Variants in CNTN3 observed in about 807,000 individuals in gnomAD.
The protein encoded by CNTN3 is contactin-3.
CNTN3 carries 60 observed loss-of-function variants against 119.1 expected under a neutral mutation model. The ratio of observed to expected loss-of-function variants is 0.50; its 90% CI spans 0.41 to 0.62. The LOEUF (loss-of-function observed/expected upper bound fraction) is 0.62, where lower values mean the gene tolerates loss of function less well. CNTN3 is among the 20% of genes least tolerant of loss of function. CNTN3 has a pLI of 0.00. For synonymous variants in CNTN3, 450 were observed against 438.7 expected, an observed-to-expected ratio of 1.03 and a Z score of -0.32; for missense variants, 1,101 against 1,242.4, an observed-to-expected ratio of 0.89 and a Z score of 1.71.
chr3:74,540,764 C>T (rs1353070485), intron 1 of CNTN3, among the ~76,000 whole-genome samples: 2 of 151,992 alleles, frequency 1.3e-5, no homozygotes, highest in Admixed American at 1.3e-4. Flanking sequence ...ATACCTCATC[C>T]CTAATTCAAC....
intron 4 of CNTN3, among the ~76,000 whole-genome samples, chr3:74,448,028 C>T (rs1702080557): frequency 6.6e-6 from 1 of 152,108 alleles, no homozygotes. Context: ...GCTGCGAACA[C>T]CTGCTTTAAG....
chr3:74,472,587 G>T (rs1338184911), intron 4 of CNTN3, among the ~76,000 whole-genome samples: 1 of 152,164 alleles, frequency 6.6e-6, no homozygotes, highest in Non-Finnish European at 1.5e-5. Context: ...CACAGGCTGA[G>T]AAGTTAGTGA....
At chr3:74,489,386 G>A (rs959621718) in intron 3 of CNTN3, among the ~76,000 whole-genome samples, 5 of 151,676 alleles carry the variant, frequency 3.3e-5, no homozygotes, top group Admixed American at 3.3e-4. Context: ...CGATTAGAAA[G>A]CCCTTCCCTC....
At chr3:74,464,366 C>T (rs1019256234) in intron 4 of CNTN3, among the ~76,000 whole-genome samples, 1 of 152,080 alleles carries the variant, frequency 6.6e-6, no homozygotes, top group Non-Finnish European at 1.5e-5. Flanking sequence ...GGTTATAGAA[C>T]CCAAGCTAAT....
chr3:74,569,764 G>A (rs1039740952), intron 1 of CNTN3, among the ~76,000 whole-genome samples: 3 of 152,072 alleles, frequency 2.0e-5, no homozygotes, highest in Non-Finnish European at 4.4e-5. Flanking sequence ...TCCTCTGCTC[G>A]GGCTCTCAGG....
intron 4 of CNTN3, among the ~76,000 whole-genome samples, chr3:74,451,254 C>G (rs1321004394): frequency 6.6e-6 from 1 of 152,194 alleles, no homozygotes; most frequent in African/African-American, 2.4e-5. Flanking sequence ...TTGCATTTCT[C>G]TGATGGCCAG....
chr3:74,543,602 T>A (rs1575818949), intron 1 of CNTN3, among the ~76,000 whole-genome samples: 3 of 152,264 alleles, frequency 2.0e-5, no homozygotes, highest in South Asian at 4.1e-4. Flanking sequence ...ACATATTAGA[T>A]CTTCAGTATT....
At chr3:74,464,660 A>T (rs899528643) in intron 4 of CNTN3, among the ~76,000 whole-genome samples, 18 of 152,184 alleles carry the variant, frequency 1.2e-4, no homozygotes, top group African/African-American at 4.3e-4. Context: ...TTATATAGTT[A>T]TGAGTTTGTG....
intron 1 of CNTN3, among the ~76,000 whole-genome samples, chr3:74,554,992 G>C (rs1704047700): frequency 6.6e-6 from 1 of 152,152 alleles, no homozygotes; most frequent in African/African-American, 2.4e-5. Flanking sequence ...TCTTGTGCCG[G>C]TTTTCAAAGG....
In CNTN3 at chr3:74,562,420, G is replaced by A. The variant is rs571798227; in HGVS notation, c.-80-41228C>T. ...CTTCATATACTTAAAAAGCACACAC[G>A]TCATTATTCCTTCTGTGTTTGCCAA... On this transcript the variant is annotated intron_variant, in intron 1 of 22. Coordinates refer to ENST00000263665, the MANE Select transcript of CNTN3 (RefSeq NM_020872.3). 3.2e-4 allele frequency among the ~76,000 whole-genome samples: 48 copies of A among 152,142 alleles called. 1 individual carries two copies. The highest frequency in any genetic ancestry group is 9.6e-4 in the African/African-American group (40 of 41,504).
intron 3 of CNTN3, among the ~76,000 whole-genome samples, chr3:74,488,837 A>G (rs1702908511): frequency 6.6e-6 from 1 of 152,202 alleles, no homozygotes; most frequent in South Asian, 2.1e-4. Flanking sequence ...AAAATCTGCA[A>G]CATCTTTTTC....
At chr3:74,493,371 T>C (rs1703002503) in intron 3 of CNTN3, among the ~76,000 whole-genome samples, 2 of 152,112 alleles carry the variant, frequency 1.3e-5, no homozygotes, top group African/African-American at 4.8e-5. Context: ...CACCTCACAG[T>C]TGATTATATA....
At chr3:74,419,048 C>T (rs551492055) in intron 5 of CNTN3, among the ~76,000 whole-genome samples, 5 of 151,260 alleles carry the variant, frequency 3.3e-5, no homozygotes, top group African/African-American at 1.2e-4. Context: ...CCACCCTCCT[C>T]GGCCTCCCAA....
chr3:74,513,241 G>T (rs1182265668), intron 2 of CNTN3, among the ~76,000 whole-genome samples: 2 of 152,088 alleles, frequency 1.3e-5, no homozygotes, highest in Non-Finnish European at 2.9e-5. Context: ...CGTGCTTTTG[G>T]ACTAAAACTT....
chr3:74,450,419 TTC>T (rs1327752913), intron 4 of CNTN3, among the ~76,000 whole-genome samples: 2 of 151,914 alleles, frequency 1.3e-5, no homozygotes, highest in Non-Finnish European at 2.9e-5. Flanking sequence ...TACAAAGATC[TTC>T]TCTGCAGTGC....
intron 1 of CNTN3, among the ~76,000 whole-genome samples, chr3:74,597,482 C>G (rs6762683): frequency 6.6e-6 from 1 of 151,676 alleles, no homozygotes; most frequent in Non-Finnish European, 1.5e-5. Context: ...GAAAACAGCC[C>G]CAAATCCCAC....
At chr3:74,561,389 CA>C (rs1296332886) in intron 1 of CNTN3, among the ~76,000 whole-genome samples, 3 of 152,050 alleles carry the variant, frequency 2.0e-5, no homozygotes, top group Non-Finnish European at 2.9e-5. Context: ...CCACATGTTC[CA>C]GTTTGTGTCT....
chr3:74,325,196 T>C (rs952230614), intron 13 of CNTN3, among the ~76,000 whole-genome samples: 1 of 152,244 alleles, frequency 6.6e-6, no homozygotes, highest in Non-Finnish European at 1.5e-5. Flanking sequence ...TGAATGTTAC[T>C]CTATGCTAGA....
intron 1 of CNTN3, among the ~76,000 whole-genome samples, chr3:74,579,309 A>C (rs1178806454): frequency 6.6e-6 from 1 of 151,966 alleles, no homozygotes; most frequent in African/African-American, 2.4e-5. Context: ...TAATAGTTGA[A>C]GACTTTAAAA....
Sources: allele counts gnomAD v4.1 joint callset (sites outside exome capture counted in the v4.1 genomes callset), GRCh38; gene constraint gnomAD v4.1.1; transcripts MANE v1.5; gene names NCBI Gene and HGNC (gene_info 2026-07-23, HGNC 2026-07-21).